The following SGPL1 variants were observed in gnomAD, a reference collection of about 807,000 sequenced individuals.
SGPL1 encodes the protein SP-lyase 1.
A neutral mutation model predicts 68.9 loss-of-function variants in SGPL1; 37 were observed. That is an observed-to-expected ratio of 0.54 (90% CI 0.41 to 0.71). SGPL1 has a LOEUF of 0.71. Among genes scored for constraint, SGPL1 ranks in the 30% least tolerant of loss-of-function variants. SGPL1 has a pLI of 0.00. For synonymous variants in SGPL1, 236 were observed against 248.5 expected (o/e 0.95, Z 0.47); for missense variants, 551 against 704.6 (o/e 0.78, Z 2.47).
intron 11 of SGPL1, among the ~76,000 whole-genome samples, chr10:70,872,721 G>T (rs901898443): frequency 1.3e-5 from 2 of 152,162 alleles, no homozygotes; most frequent in African/African-American, 2.4e-5. Context: ...TTACCATCCA[G>T]ATAGCTCCTG....
chr10:70,838,092 G>T (rs1683943), intron 2 of SGPL1, among the ~76,000 whole-genome samples: 2 of 152,124 alleles, frequency 1.3e-5, no homozygotes, highest in South Asian at 4.1e-4. Context: ...TGAGTTTTAG[G>T]GGGGACATTC....
chr10:70,825,036 C>G (rs1490890317), intron 2 of SGPL1, among the ~76,000 whole-genome samples: 1 of 149,432 alleles, frequency 6.7e-6, no homozygotes, highest in Non-Finnish European at 1.5e-5. Flanking sequence ...TCGATCTCGG[C>G]TCACTGCAAC....
At chr10:70,855,865 T>C (rs1845955070) in intron 5 of SGPL1, among the ~76,000 whole-genome samples, 1 of 152,234 alleles carries the variant, frequency 6.6e-6, no homozygotes. Flanking sequence ...ACAGTGCTAT[T>C]AACTACACTA....
At chr10:70,859,341 G>T in intron 6 of SGPL1, 30 bp from the exon 7 acceptor site, 1 of 1,380,866 alleles carries the variant, frequency 7.2e-7, no homozygotes, top group South Asian at 2.0e-5. Context: ...TAATAGTTTT[G>T]ATTTCACATC....
rs569030448 is a variant in SGPL1, at chr10:70,861,257, G to A, written c.615+1758G>A. On this transcript the variant is annotated intron_variant, in intron 7 of 14. Transcript: ENST00000373202. ...AGACAAAGAAATAGAAGGTATGAAA[G>A]AGAGGCTAAGAGATGCAAAGGATAG... 3.5e-4 allele frequency among the ~76,000 whole-genome samples: 53 copies of A among 150,892 alleles called. 1 individual carries two copies. Among genetic ancestry groups the A allele is most frequent in the African/African-American group, 1.1e-3 (47 of 41,220 alleles).
intron 2 of SGPL1, among the ~76,000 whole-genome samples, chr10:70,818,062 G>T (rs1845268812): frequency 6.6e-6 from 1 of 152,130 alleles, no homozygotes; most frequent in African/African-American, 2.4e-5. Context: ...TTATAGCTTT[G>T]AAATGGTGGT....
At chr10:70,829,574 CT>C (rs377235235) in intron 2 of SGPL1, among the ~76,000 whole-genome samples, 14 of 150,118 alleles carry the variant, frequency 9.3e-5, no homozygotes, top group African/African-American at 2.2e-4. Flanking sequence ...ACGATGGTAT[CT>C]TTTTTTTTTC....
intron 3 of SGPL1, among the ~76,000 whole-genome samples, chr10:70,846,379 A>G (rs1420249500): frequency 8.1e-5 from 1 of 12,344 alleles, no homozygotes; most frequent in African/African-American, 1.8e-4. Flanking sequence ...TTATTTTTTA[A>G]CTTTTCATTA....
chr10:70,838,514 A>T (rs189022422), intron 2 of SGPL1, among the ~76,000 whole-genome samples: 2 of 152,356 alleles, frequency 1.3e-5, no homozygotes, highest in Admixed American at 1.3e-4. Context: ...TTATTACTTC[A>T]GCTCATATTC....
At chr10:70,856,880 C>T (rs560530067) in intron 5 of SGPL1, among the ~76,000 whole-genome samples, 17 of 152,250 alleles carry the variant, frequency 1.1e-4, no homozygotes, top group Non-Finnish European at 1.9e-4. Context: ...AAGAATGTCT[C>T]GGGGAGAGAG....
intron 7 of SGPL1, among the ~76,000 whole-genome samples, chr10:70,864,483 C>CT (rs980516268): frequency 2.6e-5 from 4 of 152,064 alleles, no homozygotes; most frequent in African/African-American, 4.8e-5. Context: ...TTCCTAATGT[C>CT]TTTGTTAGTT....
At chr10:70,825,215 A>G (rs1845411849) in intron 2 of SGPL1, among the ~76,000 whole-genome samples, 1 of 152,146 alleles carries the variant, frequency 6.6e-6, no homozygotes, top group African/African-American at 2.4e-5. Flanking sequence ...ACCCAGTAGG[A>G]AAGGCATCAA....
intron 2 of SGPL1, among the ~76,000 whole-genome samples, chr10:70,823,182 C>G (rs140486022): frequency 0.022 from 3,385 of 151,892 alleles, 46 homozygotes; most frequent in South Asian, 0.066. Context: ...CTCTCTGGCT[C>G]TCTCACAGAC....
intron 8 of SGPL1, 145 bp from the exon 9 acceptor site, chr10:70,869,647 G>C: frequency 1.7e-6 from 1 of 584,966 alleles, no homozygotes; most frequent in Non-Finnish European, 3.0e-6. Context: ...TGCTTAAAAA[G>C]AAAAGTAGAG....
chr10:70,849,197 C>T (rs933116007), intron 3 of SGPL1, among the ~76,000 whole-genome samples: 16 of 152,116 alleles, frequency 1.1e-4, no homozygotes, highest in African/African-American at 3.6e-4. Flanking sequence ...TTCTTTTTAC[C>T]TCATTAATTA....
At chr10:70,877,167 A>G (rs184921523) in intron 14 of SGPL1, 28 bp from the exon 15 acceptor site, 1 of 1,612,970 alleles carries the variant, frequency 6.2e-7, no homozygotes. Flanking sequence ...TGGCCTCACT[A>G]ATAATGTCTC....
intron 2 of SGPL1, among the ~76,000 whole-genome samples, chr10:70,822,775 A>T (rs1350636224): frequency 6.6e-6 from 1 of 151,686 alleles, no homozygotes; most frequent in Non-Finnish European, 1.5e-5. Context: ...CTAGCTAGCA[A>T]TAGGAGAGCC....
At chr10:70,833,994 C>G (rs987382851) in intron 2 of SGPL1, among the ~76,000 whole-genome samples, 3 of 149,492 alleles carry the variant, frequency 2.0e-5, no homozygotes, top group Non-Finnish European at 4.4e-5. Flanking sequence ...AGTAGAGTGA[C>G]GTGACTGGGC....
chr10:70,824,516 C>T (rs545172662), intron 2 of SGPL1, among the ~76,000 whole-genome samples: 1 of 152,198 alleles, frequency 6.6e-6, no homozygotes, highest in African/African-American at 2.4e-5. Context: ...TGGCTCATTA[C>T]AACCATTTTC....
Sources: gnomAD v4.1 joint callset for allele counts (sites outside exome capture counted in the v4.1 genomes callset) on GRCh38, gnomAD v4.1.1 for gene constraint, MANE v1.5 for transcripts, NCBI Gene and HGNC (gene_info 2026-07-23, HGNC 2026-07-21) for gene names.